FAM111A: variants seen among roughly 807,000 people sequenced by gnomAD.
FAM111A encodes the protein serine protease FAM111A.
Under a neutral mutation model 3.3 loss-of-function variants are expected in FAM111A, and 8 were observed. That is an observed-to-expected ratio of 2.39 (90% confidence interval 1.40 to 4.32). The LOEUF is 4.32. Among genes scored for constraint, FAM111A ranks in the 30% most tolerant of loss-of-function variants. The probability of loss-of-function intolerance (pLI) is 0.00; values close to 1 mark genes in which losing one functional copy is unlikely to be tolerated. For missense variants in FAM111A, 683 were observed against 727.6 expected, an observed-to-expected ratio of 0.94 and a Z score of 0.71; for synonymous variants, 227 against 243.1, an observed-to-expected ratio of 0.93 and a Z score of 0.62.
Position 59,151,924 on chromosome 11 carries a change from C to G in FAM111A, c.256C>G (p.His86Asp), listed in dbSNP as rs370266913. ...RTIYVTLKVN[H>D]RRNQDMKLKL... ...AATATATGTTACCTTGAAGGTAAACCACAGGAGAAACCAAGATATGAAACT... is the reference window on the plus strand; with the variant it reads ...AATATATGTTACCTTGAAGGTAAACGACAGGAGAAACCAAGATATGAAACT... Residue 86 changes from histidine to aspartate, a missense_variant, in exon 6 of 6, where the codon CAC becomes GAC. This residue lies in a region of FAM111A where 557 missense variants were observed against 600.2 expected (regional missense o/e 0.93). Coordinates refer to ENST00000675163, the MANE Select transcript of FAM111A (RefSeq NM_001312909.2). 1.9e-6 allele frequency: 3 copies of G among 1,613,884 alleles called. No homozygotes were observed. The highest frequency in any genetic ancestry group is 1.3e-5 in the African/African-American group (1 of 74,858).
intron 4 of FAM111A, among the ~76,000 whole-genome samples, chr11:59,147,289 A>G (rs777922559): frequency 6.6e-6 from 1 of 152,208 alleles, no homozygotes; most frequent in East Asian, 1.9e-4. Flanking sequence ...TCAAGGATCC[A>G]AGAAGGTTGG....
At chr11:59,149,703 A>T (rs912478423) in intron 5 of FAM111A, among the ~76,000 whole-genome samples, 2 of 152,166 alleles carry the variant, frequency 1.3e-5, no homozygotes, top group Admixed American at 6.5e-5. Flanking sequence ...AATTTTTTTA[A>T]TATATTTGTT....
In FAM111A at chr11:59,151,982, A is replaced by G. The variant is rs779191433; in HGVS notation, c.314A>G (p.Tyr105Cys). The change falls in exon 6 of 6, where the codon TAT becomes TGT. Residue 105 changes from tyrosine to cysteine, a missense_variant. Tyr to Cys is a radical substitution (Grantham distance 194, BLOSUM62 -2). Coordinates refer to ENST00000675163, the MANE Select transcript of FAM111A (RefSeq NM_001312909.2). ...ACACATAGTGAGAATAGTAGCTTATATATGGCTCTCAACACTCTCCAGGCT... is the reference window on the plus strand; with the variant it reads ...ACACATAGTGAGAATAGTAGCTTATGTATGGCTCTCAACACTCTCCAGGCT... The part of the protein sequence containing the change: ...KLTHSENSSL[Y>C]MALNTLQAVR... 4 of 1,614,120 alleles carry G rather than the reference A, an allele frequency of 2.5e-6. No homozygotes were observed. The highest frequency in any genetic ancestry group is 1.3e-5 in the African/African-American group (1 of 74,950).
chr11:59,145,652 A>G (rs1201321491), intron 3 of FAM111A, 175 bp from the exon 4 acceptor site: 28 of 152,086 alleles, frequency 1.8e-4, no homozygotes, highest in Admixed American at 1.8e-3. Flanking sequence ...GTCTGTGTCT[A>G]TTAATCATTC....
chr11:59,150,548 C>T (rs953739809), intron 5 of FAM111A, among the ~76,000 whole-genome samples: 7 of 152,164 alleles, frequency 4.6e-5, no homozygotes, highest in Non-Finnish European at 7.3e-5. Context: ...GAAACAGACA[C>T]TCTAATTTTT....
Position 59,149,122 on chromosome 11 carries a change from A to G in FAM111A, c.81+169A>G, listed in dbSNP as rs11229847. The G allele has an allele frequency of 0.028, 16,294 of 584,894 alleles. 906 individuals carry two copies. The highest frequency in any genetic ancestry group is 0.14 in the East Asian group (4,984 of 34,942). The allele number at this position is 584,894 out of a possible 1,614,324, so 36.2% of individuals were successfully genotyped here. A position where few individuals can be genotyped will look rare whatever the true frequency, so the allele number is the denominator to read the frequency against. On this transcript the variant is annotated intron_variant, in intron 5 of 5. Coordinates refer to ENST00000675163, the MANE Select transcript of FAM111A (RefSeq NM_001312909.2). ...CATATCCTCCTGTATACTTTAAATC[A>G]TCTCTGGATTATTTGTATTACCTAA...
intron 5 of FAM111A, among the ~76,000 whole-genome samples, chr11:59,151,101 A>G (rs772196627): frequency 3.3e-5 from 5 of 152,222 alleles, no homozygotes; most frequent in East Asian, 3.8e-4. Context: ...TAAAAATTAT[A>G]TAGCTGAAGA....
At chr11:59,151,613 G>A in intron 5 of FAM111A, 137 bp from the exon 6 acceptor site, 1 of 667,538 alleles carries the variant, frequency 1.5e-6, no homozygotes, top group South Asian at 2.1e-5. Flanking sequence ...GTCAAACACT[G>A]ATTTAATATT....
chr11:59,152,468 A>G lies in FAM111A; in HGVS notation c.800A>G (p.Glu267Gly), dbSNP rs1273050741. 1.2e-6 allele frequency: 2 copies of G among 1,610,338 alleles called. No homozygotes were observed. The highest frequency in any genetic ancestry group is 1.7e-5 in the Admixed American group (1 of 59,950). The part of the protein sequence containing the change: ...DELEGRYFQV[E>G]VEKRMVPSAA... ...TTAGAAGGCAGATACTTTCAGGTTG[A>G]GGTTGAGAAAAGAATGGTCCCCAGT... Residue 267 changes from glutamate to glycine, a missense_variant, in exon 6 of 6, where the codon GAG (glutamate) becomes GGG (glycine). Glu to Gly is a moderately conservative substitution (Grantham distance 98, BLOSUM62 -2). This residue lies in a region of FAM111A where 557 missense variants were observed against 600.2 expected (regional missense o/e 0.93). Transcript: ENST00000675163.
At position 59,153,166 on chromosome 11, in the gene FAM111A, C is replaced by T. The variant is rs532879432; in HGVS notation, c.1498C>T (p.Arg500Cys). The change falls in exon 6 of 6, where the codon CGT becomes TGT. Residue 500 changes from arginine to cysteine, a missense_variant. Coordinates refer to ENST00000675163, the MANE Select transcript of FAM111A (RefSeq NM_001312909.2). Reference sequence around the variant, plus strand: ...TCAGCGAGCAAAGAAATGTCAGGAACGTGTTCAGTCTAAAAAAGCAGAAAG... The same window carrying T: ...TCAGCGAGCAAAGAAATGTCAGGAATGTGTTCAGTCTAAAAAAGCAGAAAG... ...QGQRAKKCQE[R>C]VQSKKAESPE... The T allele has an allele frequency of 4.3e-6, 7 of 1,614,122 alleles. No individual in the cohort carries two copies. Among genetic ancestry groups the T allele is most frequent in the South Asian group, 3.3e-5 (3 of 91,082 alleles).
Position 59,143,267 on chromosome 11 carries a change from G to A in FAM111A, c.-343G>A, listed in dbSNP as rs1860392033. 6.6e-6 allele frequency: 1 copy of A among 152,262 alleles called. No individual in the cohort carries two copies. The highest frequency in any genetic ancestry group is 2.4e-5 in the African/African-American group (1 of 41,442). The allele number at this position is 152,262 out of a possible 1,614,324, so 9.4% of individuals were successfully genotyped here. ...AAAGTCCCTAAAAATCACGAGTTCA[G>A]GCGTCTGAGACTTGGTGGGAACGGA... On this transcript the variant is annotated 5_prime_UTR_variant, in exon 2 of 6. Coordinates refer to ENST00000675163, the MANE Select transcript of FAM111A (RefSeq NM_001312909.2).
chr11:59,149,023 C>A, intron 5 of FAM111A, 70 bp downstream of exon 5: 1 of 1,139,070 alleles, frequency 8.8e-7, no homozygotes, highest in Non-Finnish European at 1.3e-6. Flanking sequence ...GTTCCAGGAC[C>A]TCTCTTGGAT....
chr11:59,153,188 A>G lies in FAM111A; in HGVS notation c.1520A>G (p.Glu507Gly), dbSNP rs1861933975. 6.2e-7 allele frequency: 1 copy of G among 1,614,204 alleles called. No homozygotes were observed. Among genetic ancestry groups the G allele is most frequent in the Non-Finnish European group, 8.5e-7 (1 of 1,180,032 alleles). Reference protein sequence around the residue: ...CQERVQSKKAESPEYVHMYTQ... With the variant: ...CQERVQSKKAGSPEYVHMYTQ... ...GAACGTGTTCAGTCTAAAAAAGCAG[A>G]AAGTCCAGAGTATGTCCATATGTAT... The change falls in exon 6 of 6, where the codon GAA becomes GGA. Residue 507 changes from glutamate (E) to glycine (G), a missense_variant. Glu to Gly is a moderately conservative substitution (Grantham distance 98). This residue lies in a region of FAM111A where 557 missense variants were observed against 600.2 expected (regional missense o/e 0.93). Coordinates refer to ENST00000675163, the MANE Select transcript of FAM111A (RefSeq NM_001312909.2).
Position 59,153,635 on chromosome 11 carries a change from G to C in FAM111A, c.*131G>C. On this transcript the variant is annotated 3_prime_UTR_variant, in exon 6 of 6. Coordinates refer to ENST00000675163, the MANE Select transcript of FAM111A (RefSeq NM_001312909.2). ...AATATTGACCATTTCCTATCTGCCAGGCATTTTTCTAAGCACATGAAGAAA... is the reference window on the plus strand; with the variant it reads ...AATATTGACCATTTCCTATCTGCCACGCATTTTTCTAAGCACATGAAGAAA... 1 of 694,120 alleles carries C rather than the reference G, an allele frequency of 1.4e-6. No homozygotes were observed. The highest frequency in any genetic ancestry group is 2.3e-6 in the Non-Finnish European group (1 of 428,766). 43.0% of individuals were successfully genotyped at this position (694,120 alleles called of 1,614,324 possible).
chr11:59,144,882 C>G (rs1860622725), intron 3 of FAM111A: 1 of 152,360 alleles, frequency 6.6e-6, no homozygotes, highest in African/African-American at 2.4e-5. Flanking sequence ...AGGCCGAGTG[C>G]TGGCGAGGCG....
chr11:59,146,567 T>C (rs900086634), intron 4 of FAM111A, among the ~76,000 whole-genome samples: 2 of 152,246 alleles, frequency 1.3e-5, no homozygotes, highest in African/African-American at 4.8e-5. Flanking sequence ...CATTATCTCA[T>C]TTAGAATCAT....
In FAM111A at chr11:59,143,707, A is replaced by G. The variant is rs746409808; in HGVS notation, c.-107+12A>G. 1 of 151,926 alleles carries G rather than the reference A, an allele frequency of 6.6e-6. No homozygotes were observed. The highest frequency in any genetic ancestry group is 2.4e-5 in the African/African-American group (1 of 41,306). 9.4% of individuals were successfully genotyped at this position (151,926 alleles called of 1,614,324 possible). The stretch of plus-strand genomic sequence containing the variant: ...GAGTACATTATCAGGTATGTTCACT[A>G]TTGTGAGAACTGAAGCCATCTACAC... On this transcript the variant is annotated intron_variant, in intron 3 of 5. Transcript: ENST00000675163.
chr11:59,149,207 GA>G (rs1234643186), intron 5 of FAM111A: 194 of 340,204 alleles, frequency 5.7e-4, no homozygotes, highest in East Asian at 9.8e-4. Context: ...ATAATGACAA[GA>G]AAAAAAAAGT....
intron 5 of FAM111A, among the ~76,000 whole-genome samples, chr11:59,151,026 C>T (rs186010250): frequency 4.6e-5 from 7 of 152,136 alleles, no homozygotes; most frequent in South Asian, 4.1e-4. Context: ...GGTAGCTTAT[C>T]GCTGAATTCA....
Sources: allele counts gnomAD v4.1 joint callset (sites outside exome capture counted in the v4.1 genomes callset), GRCh38; gene constraint gnomAD v4.1.1; regional missense constraint gnomAD v4.1.1; transcripts MANE v1.5; gene names NCBI Gene and HGNC (gene_info 2026-07-23, HGNC 2026-07-21).